The following PARD3B variants were observed in gnomAD, a reference collection of about 807,000 sequenced individuals.
PARD3B encodes partitioning defective 3 homolog B.
PARD3B carries 103 observed loss-of-function variants against 130.2 expected under a neutral mutation model. The ratio of observed to expected loss-of-function variants is 0.79; its 90% CI spans 0.67 to 0.93. PARD3B has a LOEUF of 0.93. Ranked by LOEUF, PARD3B falls within the 40% of genes least tolerant of loss-of-function variation. The pLI is 0.00. For synonymous variants in PARD3B, 583 were observed against 553.2 expected (o/e 1.05, Z -0.76); for missense variants, 1,609 against 1,499.2 (o/e 1.07, Z -1.21).
intron 3 of PARD3B, among the ~76,000 whole-genome samples, chr2:205,045,866 G>C (rs954660203): frequency 1.3e-5 from 2 of 151,684 alleles, no homozygotes; most frequent in Non-Finnish European, 2.9e-5. Context: ...ATTGTTGATC[G>C]CTAAAATGTT....
chr2:204,650,810 A>G (rs922877576), intron 1 of PARD3B, among the ~76,000 whole-genome samples: 4 of 152,138 alleles, frequency 2.6e-5, no homozygotes, highest in African/African-American at 9.7e-5. Flanking sequence ...AACAGGAAGC[A>G]TGCCTGGGAG....
intron 18 of PARD3B, among the ~76,000 whole-genome samples, chr2:205,365,226 G>T (rs1285919270): frequency 1.3e-5 from 2 of 151,608 alleles, no homozygotes; most frequent in Non-Finnish European, 2.9e-5. Context: ...AATTAGCTGG[G>T]CATGGTATGG....
At chr2:205,193,521 A>C (rs145046691) in intron 15 of PARD3B, among the ~76,000 whole-genome samples, 1 of 152,346 alleles carries the variant, frequency 6.6e-6, no homozygotes, top group Non-Finnish European at 1.5e-5. Context: ...AACAAAGAGA[A>C]GTGATTTATT....
chr2:204,597,129 C>T (rs1250125425), intron 1 of PARD3B, among the ~76,000 whole-genome samples: 1 of 152,102 alleles, frequency 6.6e-6, no homozygotes, highest in Non-Finnish European at 1.5e-5. Context: ...TTGTCTAACT[C>T]ATTGGCTTGA....
At chr2:205,036,191 A>AGTATATAGTGGACTATATATATAAAATAT (rs1697857391) in intron 3 of PARD3B, among the ~76,000 whole-genome samples, 1 of 146,074 alleles carries the variant, frequency 6.8e-6, no homozygotes, top group Non-Finnish European at 1.5e-5. Context: ...ATACAAAATA[A>AGTATATAGTGGACTATATATATAAAATAT]GTATATAGTG....
intron 18 of PARD3B, among the ~76,000 whole-genome samples, chr2:205,392,156 G>A (rs2045883467): frequency 2.0e-5 from 3 of 152,140 alleles, no homozygotes; most frequent in Admixed American, 6.6e-5. Context: ...TTAGCTCAGG[G>A]ATTCCCAGCA....
intron 3 of PARD3B, among the ~76,000 whole-genome samples, chr2:204,994,565 G>A (rs1693981480): frequency 6.7e-6 from 1 of 149,016 alleles, no homozygotes; most frequent in African/African-American, 2.5e-5. Context: ...TGTTGATTTG[G>A]GGTGGAGAGT....
intron 18 of PARD3B, among the ~76,000 whole-genome samples, chr2:205,340,817 T>C (rs1022949385): frequency 6.6e-6 from 1 of 152,028 alleles, no homozygotes; most frequent in African/African-American, 2.4e-5. Context: ...GCCACTCCAC[T>C]CTGGGTGAAA....
chr2:204,996,556 G>A (rs1313497918), intron 3 of PARD3B, among the ~76,000 whole-genome samples: 1 of 151,678 alleles, frequency 6.6e-6, no homozygotes, highest in Non-Finnish European at 1.5e-5. Flanking sequence ...CCTGCCCCCA[G>A]AGGTGGAGCC....
At chr2:205,386,841 T>C (rs919735841) in intron 18 of PARD3B, among the ~76,000 whole-genome samples, 1 of 151,978 alleles carries the variant, frequency 6.6e-6, no homozygotes, top group Non-Finnish European at 1.5e-5. Context: ...TTTCTGAGCT[T>C]TGGGAGGGAT....
intron 4 of PARD3B, among the ~76,000 whole-genome samples, chr2:205,063,656 G>A (rs956488486): frequency 3.9e-5 from 6 of 152,102 alleles, no homozygotes; most frequent in Admixed American, 6.6e-5. Context: ...ACCCCCATGA[G>A]GTGGTCCCAT....
rs10203201 is a variant in PARD3B, at chr2:205,176,287, T to C, written c.1792-158T>C. Among the ~76,000 whole-genome samples the C allele has an allele frequency of 0.2, 30,216 of 152,130 alleles. 3,018 individuals are homozygous for C. Among genetic ancestry groups the C allele is most frequent in the Middle Eastern group, 0.26 (75 of 294 alleles). ...TTTTATTTTAGACTCAAAGATGTTT[T>C]CACTGATAGGGCCATTTTGAGTTTC... On this transcript the variant is annotated intron_variant, in intron 12 of 22. Transcript: ENST00000406610. The surrounding 1 kb of genome is among the most constrained non-coding windows in gnomAD (Gnocchi z 5.3).
intron 15 of PARD3B, among the ~76,000 whole-genome samples, chr2:205,220,819 GA>G (rs1421156983): frequency 6.6e-6 from 1 of 152,168 alleles, no homozygotes; most frequent in East Asian, 1.9e-4. Context: ...CCACAGTATG[GA>G]AAAGAGCATG....
intron 15 of PARD3B, among the ~76,000 whole-genome samples, chr2:205,217,578 C>T (rs1389557485): frequency 6.7e-6 from 1 of 149,242 alleles, no homozygotes; most frequent in African/African-American, 2.5e-5. Context: ...AGAAGAATAA[C>T]CAGAGAAGCT....
rs56654511 is a variant in PARD3B at position 205,331,782 on chromosome 2, C to CAAAAAAAAAAAAAAAAAAAAAAAAAAAAA, written c.2630+30104_2630+30105insAAAAAAAAAAAAAAAAAAAAAAAAAAAAA. Among the ~76,000 whole-genome samples the CAAAAAAAAAAAAAAAAAAAAAAAAAAAAA allele has an allele frequency of 5.2e-4, 25 of 48,402 alleles. 2 individuals carry two copies. The highest frequency in any genetic ancestry group is 1.6e-3 in the African/African-American group (15 of 9,304). 31.8% of individuals were successfully genotyped at this position (48,402 alleles called of 152,430 possible). On this transcript the variant is annotated intron_variant, in intron 18 of 22. Coordinates refer to ENST00000406610, the MANE Select transcript of PARD3B (RefSeq NM_001302769.2). ...TGGGCGACAGAGTGAGACTCCGTCT[C>CAAAAAAAAAAAAAAAAAAAAAAAAAAAAA]AAAAAAAAAAAAAAAAAAAAAAAGA...
chr2:205,141,099 C>A (rs1421702434), intron 10 of PARD3B, among the ~76,000 whole-genome samples: 1 of 152,080 alleles, frequency 6.6e-6, no homozygotes, highest in Non-Finnish European at 1.5e-5. Flanking sequence ...CAGTCATTAG[C>A]ATATTTGAAT....
At chr2:204,982,772 A>G (rs1002132387) in intron 3 of PARD3B, among the ~76,000 whole-genome samples, 1 of 152,244 alleles carries the variant, frequency 6.6e-6, no homozygotes, top group African/African-American at 2.4e-5. Flanking sequence ...AATAGACTGC[A>G]TGTACTCACG....
rs555557161 is a variant in PARD3B, at chr2:205,054,402, T to A, written c.504+6712T>A. Among the ~76,000 whole-genome samples, 284 of 38,762 alleles carry A rather than the reference T, an allele frequency of 7.3e-3. 3 individuals are homozygous for A. The highest frequency in any genetic ancestry group is 0.018 in the Middle Eastern group (1 of 56). The allele number at this position is 38,762 out of a possible 152,430, so 25.4% of individuals were successfully genotyped here. On this transcript the variant is annotated intron_variant, in intron 4 of 22. Transcript: ENST00000406610. ...ATTAACAAGGTAACCATGACATGTC[T>A]TTTATATATATATATATATATATAT...
At chr2:205,079,501 AG>A (rs1019877869) in intron 4 of PARD3B, among the ~76,000 whole-genome samples, 7 of 152,302 alleles carry the variant, frequency 4.6e-5, no homozygotes, top group African/African-American at 1.4e-4. Flanking sequence ...GGGACAAAAA[AG>A]GCTTCGCCAA....
Sources: allele counts gnomAD v4.1 joint callset (sites outside exome capture counted in the v4.1 genomes callset), GRCh38; gene constraint gnomAD v4.1.1; non-coding constraint Gnocchi (gnomAD v3.1); transcripts MANE v1.5; gene names NCBI Gene and HGNC (gene_info 2026-07-23, HGNC 2026-07-21).